The following FAM78B variants were observed in gnomAD, a reference collection of about 807,000 sequenced individuals.
The protein encoded by FAM78B is protein FAM78B.
A neutral mutation model predicts 20.0 loss-of-function variants in FAM78B; 10 were observed. The observed-to-expected ratio is 0.50, with a 90% confidence interval of 0.31 to 0.85. The LOEUF (loss-of-function observed/expected upper bound fraction) is 0.85. FAM78B is among the 40% of genes least tolerant of loss of function. The pLI is 0.05. For synonymous variants in FAM78B, 135 were observed against 132.8 expected, an observed-to-expected ratio of 1.02 and a Z score of -0.12; for missense variants, 283 against 345.0, an observed-to-expected ratio of 0.82 and a Z score of 1.42.
chr1:166,073,768 A>G (rs918638762), intron 1 of FAM78B, among the ~76,000 whole-genome samples: 3 of 151,986 alleles, frequency 2.0e-5, no homozygotes, highest in African/African-American at 7.2e-5. Flanking sequence ...TCCACCATAA[A>G]CCAAGCCGTC....
chr1:166,160,583 C>T (rs1571215447), intron 1 of FAM78B, among the ~76,000 whole-genome samples: 1 of 152,192 alleles, frequency 6.6e-6, no homozygotes, highest in East Asian at 1.9e-4. Flanking sequence ...TATATTAGTG[C>T]TAAGTAACTG....
intron 1 of FAM78B, among the ~76,000 whole-genome samples, chr1:166,075,423 TTG>T (rs149448084): frequency 6.6e-6 from 1 of 151,818 alleles, no homozygotes; most frequent in Non-Finnish European, 1.5e-5. Context: ...GTATGGCTGA[TTG>T]TGTGTGTGTG....
chr1:166,061,109 T>C (rs988786974), intron 2 of FAM78B, among the ~76,000 whole-genome samples: 8 of 152,224 alleles, frequency 5.3e-5, no homozygotes, highest in African/African-American at 1.9e-4. Context: ...TAAAACTTAC[T>C]GTTTTATTCC....
At chr1:166,103,731 A>T (rs1653641923) in intron 1 of FAM78B, among the ~76,000 whole-genome samples, 1 of 152,232 alleles carries the variant, frequency 6.6e-6, no homozygotes, top group Non-Finnish European at 1.5e-5. Context: ...AACCAAAAAA[A>T]GTCCAGGTCC....
intron 1 of FAM78B, among the ~76,000 whole-genome samples, chr1:166,127,950 T>C (rs2101775230): frequency 6.6e-6 from 1 of 152,322 alleles, no homozygotes; most frequent in Admixed American, 6.5e-5. Context: ...GTAGCAGATA[T>C]AAAACATAGA....
At chr1:166,117,073 A>G (rs1377623729) in intron 1 of FAM78B, among the ~76,000 whole-genome samples, 2 of 152,172 alleles carry the variant, frequency 1.3e-5, no homozygotes, top group Non-Finnish European at 2.9e-5. Context: ...CTATATCCTC[A>G]TATCTGGAAG....
chr1:166,086,169 TAACTCTG>T (rs1357229141), intron 1 of FAM78B, among the ~76,000 whole-genome samples: 1 of 151,854 alleles, frequency 6.6e-6, no homozygotes, highest in Non-Finnish European at 1.5e-5. Flanking sequence ...GGGACAAACT[TAACTCTG>T]GCCTCTGGCT....
At chr1:166,125,436 C>T (rs1207972214) in intron 1 of FAM78B, among the ~76,000 whole-genome samples, 5 of 152,180 alleles carry the variant, frequency 3.3e-5, no homozygotes, top group South Asian at 2.1e-4. Context: ...TCATTAAACA[C>T]GGTCCATCTT....
chr1:166,083,745 G>A (rs1009241995), intron 1 of FAM78B, among the ~76,000 whole-genome samples: 1 of 147,612 alleles, frequency 6.8e-6, no homozygotes, highest in Admixed American at 6.9e-5. Context: ...CTCATGATCC[G>A]TCTGCCTCGG....
At chr1:166,096,544 T>C (rs1307824902) in intron 1 of FAM78B, among the ~76,000 whole-genome samples, 2 of 152,252 alleles carry the variant, frequency 1.3e-5, no homozygotes, top group Middle Eastern at 3.2e-3. Flanking sequence ...ATCTCATTCC[T>C]GGTTCTGCGA....
chr1:166,082,221 C>T (rs1363609296), intron 1 of FAM78B, among the ~76,000 whole-genome samples: 1 of 152,338 alleles, frequency 6.6e-6, no homozygotes, highest in South Asian at 2.1e-4. Flanking sequence ...TCCTCACCCC[C>T]TCCCTTCTGG....
intron 1 of FAM78B, among the ~76,000 whole-genome samples, chr1:166,084,144 A>G (rs1015476883): frequency 6.6e-6 from 1 of 151,650 alleles, no homozygotes; most frequent in African/African-American, 2.4e-5. Context: ...TTTCACAAAG[A>G]GCACCTACTT....
intron 1 of FAM78B, chr1:166,154,870 G>A (rs370137138): frequency 2.2e-4 from 103 of 471,524 alleles, no homozygotes; most frequent in East Asian, 7.0e-4. Flanking sequence ...ATGATTTCCC[G>A]CACCATCCTA....
intron 1 of FAM78B, among the ~76,000 whole-genome samples, chr1:166,130,057 A>G (rs557085047): frequency 2.2e-4 from 33 of 152,276 alleles, no homozygotes; most frequent in African/African-American, 7.9e-4. Flanking sequence ...CTGAAACCCA[A>G]ACATCACCTC....
downstream of FAM78B, among the ~76,000 whole-genome samples, chr1:166,069,229 G>A (rs999020191): frequency 1.4e-5 from 2 of 146,576 alleles, no homozygotes; most frequent in African/African-American, 4.9e-5. Flanking sequence ...ATGTGTGCAT[G>A]TGTGTGTGTG....
intron 1 of FAM78B, among the ~76,000 whole-genome samples, chr1:166,084,131 T>G (rs1481237849): frequency 6.6e-6 from 1 of 151,766 alleles, no homozygotes; most frequent in Non-Finnish European, 1.5e-5. Flanking sequence ...CAGATAGTAT[T>G]CTTTTCACAA....
chr1:166,155,043 C>G (rs1022125347), intron 1 of FAM78B, among the ~76,000 whole-genome samples: 4 of 152,208 alleles, frequency 2.6e-5, no homozygotes, highest in Non-Finnish European at 2.9e-5. Context: ...GGATGGTCCC[C>G]TGGGTCTGAT....
downstream of FAM78B, among the ~76,000 whole-genome samples, chr1:166,065,670 TCTGGCAA>T (rs1359213334): frequency 6.6e-6 from 1 of 152,194 alleles, no homozygotes; most frequent in African/African-American, 2.4e-5. Flanking sequence ...CTTCCTGTCA[TCTGGCAA>T]CTGGCAACTC....
At chr1:166,072,610 G>A (rs1652093873) in intron 1 of FAM78B, among the ~76,000 whole-genome samples, 1 of 152,138 alleles carries the variant, frequency 6.6e-6, no homozygotes, top group Non-Finnish European at 1.5e-5. Flanking sequence ...TACTGGAGTC[G>A]GTTTCATGCC....
Sources: gnomAD v4.1 joint callset for allele counts (sites outside exome capture counted in the v4.1 genomes callset) on GRCh38, gnomAD v4.1.1 for gene constraint, MANE v1.5 for transcripts, NCBI Gene and HGNC (gene_info 2026-07-23, HGNC 2026-07-21) for gene names.